Variants in FOXP1 observed in about 807,000 individuals in gnomAD.
FOXP1 encodes forkhead box P1.
In FOXP1, 15 loss-of-function variants were observed where a neutral mutation model predicts 98.2. The observed-to-expected ratio is 0.15, with a 90% CI of 0.10 to 0.24. FOXP1 has a LOEUF of 0.24. Among genes scored for constraint, FOXP1 ranks in the 10% least tolerant of loss-of-function variants. The probability of loss-of-function intolerance (pLI) is 1.00; values close to 1 mark genes in which losing one functional copy is unlikely to be tolerated. For synonymous variants in FOXP1, 371 were observed against 314.5 expected (o/e 1.18, Z -1.90); for missense variants, 633 against 848.5 (o/e 0.75, Z 3.15).
At chr3:71,409,617 T>C (rs554397637) in intron 3 of FOXP1, among the ~76,000 whole-genome samples, 2 of 151,622 alleles carry the variant, frequency 1.3e-5, no homozygotes, top group East Asian at 1.9e-4. Flanking sequence ...TCTCAGGCTA[T>C]TCTGACATTA....
intron 5 of FOXP1, among the ~76,000 whole-genome samples, chr3:71,204,933 G>A (rs1347116425): frequency 6.6e-6 from 1 of 152,138 alleles, no homozygotes; most frequent in African/African-American, 2.4e-5. Context: ...GACTACCCAA[G>A]AGCCAAGTTT....
chr3:71,245,098 AGGATTTATTT>A (rs2067624639), intron 5 of FOXP1: 1 of 152,232 alleles, frequency 6.6e-6, no homozygotes, highest in Admixed American at 6.5e-5. Flanking sequence ...AGAGTTCCGT[AGGATTTATTT>A]GACACTTATT....
chr3:71,581,477 C>T (rs2048165542), intron 2 of FOXP1, 72 bp downstream of exon 2: 5 of 985,514 alleles, frequency 5.1e-6, no homozygotes, highest in Non-Finnish European at 4.8e-6. Context: ...TCTTTGGGGA[C>T]GGAGAACCCC....
intron 5 of FOXP1, among the ~76,000 whole-genome samples, chr3:71,203,208 A>G (rs1320417026): frequency 6.6e-6 from 1 of 152,224 alleles, no homozygotes; most frequent in Non-Finnish European, 1.5e-5. Flanking sequence ...TCCATTTAAT[A>G]TAACCCTACA....
chr3:71,463,568 G>T (rs1005302019), intron 3 of FOXP1, among the ~76,000 whole-genome samples: 1 of 152,116 alleles, frequency 6.6e-6, no homozygotes, highest in African/African-American at 2.4e-5. Context: ...CTCTGGGCTG[G>T]GGTCTCTCCC....
chr3:71,582,762 G>A lies in FOXP1; in HGVS notation c.-447+809C>T, dbSNP rs1210256831. The A allele has an allele frequency of 3.0e-6, 3 of 985,390 alleles. No homozygotes were observed. The East Asian group carries it at 3.4e-4, about 112-fold the overall frequency. The allele number at this position is 985,390 out of a possible 1,614,324, so 61.0% of individuals were successfully genotyped here. A position where few individuals can be genotyped will look rare whatever the true frequency, so the allele number is the denominator to read the frequency against. On this transcript the variant is annotated intron_variant, in intron 1 of 20. Transcript: ENST00000649528. ...GAAAGCGGAGGCCGAGCGCGCGTAG[G>A]GGTGCGTGTCTGGCTGGGGGTGCGC...
intron 3 of FOXP1, among the ~76,000 whole-genome samples, chr3:71,377,025 A>T (rs2079770933): frequency 6.6e-6 from 1 of 152,126 alleles, no homozygotes; most frequent in Admixed American, 6.5e-5. Context: ...TGGAGAAAAA[A>T]ACTAAATGGT....
rs142661368 is a variant in FOXP1, at chr3:71,267,124, A to AGAGT, written c.-12+32695_-12+32696insACTC. 7.8e-3 allele frequency among the ~76,000 whole-genome samples: 1,160 copies of AGAGT among 148,398 alleles called. 11 individuals carry two copies. The highest frequency in any genetic ancestry group is 0.022 in the African/African-American group (869 of 40,322). ...TATCACGCTGCATTTTATGGGAGAG[A>AGAGT]GTGTGTGTGTGTGTGTGTGTGTGTG... is the stretch of plus-strand genomic sequence containing the variant. On this transcript the variant is annotated intron_variant, in intron 5 of 20. Transcript: ENST00000649528.
chr3:71,583,546 C>T, intron 1 of FOXP1, 25 bp downstream of exon 1: 1 of 976,474 alleles, frequency 1.0e-6, no homozygotes, highest in Non-Finnish European at 1.2e-6. Flanking sequence ...AAAAGTGGAG[C>T]AGAAATGGAA....
At chr3:71,388,214 T>C (rs899275302) in intron 3 of FOXP1, among the ~76,000 whole-genome samples, 12 of 152,214 alleles carry the variant, frequency 7.9e-5, no homozygotes, top group Non-Finnish European at 1.5e-4. Context: ...AGATTCCATA[T>C]CCATTCTGAG....
intron 5 of FOXP1, among the ~76,000 whole-genome samples, chr3:71,212,949 A>AATATATATATATAT (rs3033230): frequency 6.8e-6 from 1 of 147,860 alleles, no homozygotes. Context: ...ACAAAATGGG[A>AATATATATATATAT]ATATATATAT....
rs560005457 is a variant in FOXP1 at position 71,362,644 on chromosome 3, AT to A, written c.-167-3401del. Among the ~76,000 whole-genome samples the A allele has an allele frequency of 9.2e-5, 14 of 152,052 alleles. No homozygotes were observed. In the South Asian group the frequency reaches 2.9e-3, roughly 32 times the overall value. ...GTCACTATGTCTGGCTAATTTTTGTATTTTTTGTAGAGACAGTGTCTCACTG... is the reference window on the plus strand; with the variant it reads ...GTCACTATGTCTGGCTAATTTTTGTATTTTTGTAGAGACAGTGTCTCACTG... On this transcript the variant is annotated intron_variant, in intron 3 of 20. Coordinates refer to ENST00000649528, the MANE Select transcript of FOXP1 (RefSeq NM_001349338.3).
intron 2 of FOXP1, among the ~76,000 whole-genome samples, chr3:71,550,400 G>A (rs981645737): frequency 3.3e-5 from 5 of 152,158 alleles, no homozygotes; most frequent in East Asian, 1.9e-4. Flanking sequence ...GCAAAATGAG[G>A]ATAACAGGAG....
chr3:71,514,218 T>C (rs571372642), intron 2 of FOXP1, among the ~76,000 whole-genome samples: 1 of 152,174 alleles, frequency 6.6e-6, no homozygotes, highest in Non-Finnish European at 1.5e-5. Context: ...CCCCCAACCA[T>C]AGGGTCTTTG....
chr3:70,987,238 G>T (rs767596355), intron 14 of FOXP1, among the ~76,000 whole-genome samples: 7 of 152,164 alleles, frequency 4.6e-5, no homozygotes, highest in Admixed American at 3.9e-4. Context: ...GAATATGACC[G>T]TTAAAGAGAT....
At chr3:71,159,014 G>A (rs2060997695) in intron 6 of FOXP1, among the ~76,000 whole-genome samples, 3 of 150,954 alleles carry the variant, frequency 2.0e-5, no homozygotes, top group Non-Finnish European at 2.9e-5. Flanking sequence ...GCTGAGGTAG[G>A]AGAATCCCTG....
At chr3:71,137,898 C>T in intron 6 of FOXP1, among the ~76,000 whole-genome samples, 1 of 151,694 alleles carries the variant, frequency 6.6e-6, no homozygotes, top group East Asian at 1.9e-4. Context: ...CCTGTGAATA[C>T]AGAAATCTCT....
chr3:71,439,950 GAA>G (rs34186820), intron 3 of FOXP1, among the ~76,000 whole-genome samples: 3 of 132,970 alleles, frequency 2.3e-5, no homozygotes, highest in African/African-American at 2.8e-5. Context: ...TCTGTCTCAG[GAA>G]AAAAAAAAAA....
intron 5 of FOXP1, among the ~76,000 whole-genome samples, chr3:71,297,652 G>A (rs1280384456): frequency 8.1e-6 from 1 of 124,128 alleles, no homozygotes; most frequent in Non-Finnish European, 1.6e-5. Context: ...GTCTCCTTCT[G>A]TCTCCCAGCC....
Sources: allele counts gnomAD v4.1 joint callset (sites outside exome capture counted in the v4.1 genomes callset), GRCh38; gene constraint gnomAD v4.1.1; transcripts MANE v1.5; gene names NCBI Gene and HGNC (gene_info 2026-07-23, HGNC 2026-07-21).